SPOP: variants seen among roughly 807,000 people sequenced by gnomAD.
The protein encoded by SPOP is speckle type BTB/POZ protein.
In SPOP, 11 loss-of-function variants were observed where a neutral mutation model predicts 45.6. The observed-to-expected ratio is 0.24, with a 90% CI of 0.15 to 0.40. The LOEUF is 0.40. Among genes scored for constraint, SPOP ranks in the 10% least tolerant of loss-of-function variants. The pLI, the probability that SPOP is intolerant of heterozygous loss-of-function variation, is 1.00. For missense variants in SPOP, 152 were observed against 465.6 expected, an observed-to-expected ratio of 0.33 and a Z score of 6.20; for synonymous variants, 166 against 166.3, an observed-to-expected ratio of 1.00 and a Z score of 0.01.
At chr17:49,655,757 G>A (rs990772344) in intron 1 of SPOP, among the ~76,000 whole-genome samples, 6 of 152,172 alleles carry the variant, frequency 3.9e-5, no homozygotes, top group African/African-American at 1.4e-4. Flanking sequence ...AATTTCTCTC[G>A]ATCTCACAGC....
intron 1 of SPOP, among the ~76,000 whole-genome samples, chr17:49,674,201 G>C (rs931151149): frequency 5.3e-5 from 8 of 152,106 alleles, no homozygotes; most frequent in African/African-American, 1.9e-4. Context: ...TTGGTATCAG[G>C]GTAAGGCTGG....
intron 1 of SPOP, among the ~76,000 whole-genome samples, chr17:49,673,290 G>A (rs1284237408): frequency 1.3e-5 from 2 of 152,112 alleles, no homozygotes; most frequent in South Asian, 4.1e-4. Context: ...TGGATCACGA[G>A]GTCAGGAGAT....
chr17:49,672,424 A>C (rs1244318611), intron 1 of SPOP, among the ~76,000 whole-genome samples: 2 of 152,242 alleles, frequency 1.3e-5, no homozygotes, highest in Non-Finnish European at 2.9e-5. Context: ...TTAAATGATC[A>C]AACAAACTCA....
intron 1 of SPOP, among the ~76,000 whole-genome samples, chr17:49,647,343 AG>A (rs1482533653): frequency 4.2e-5 from 6 of 143,980 alleles, no homozygotes; most frequent in Non-Finnish European, 7.6e-5. Flanking sequence ...AAAAAAAAAA[AG>A]TTCTTTTGTT....
Position 49,657,761 on chromosome 17 carries a change from C to T in SPOP, c.-67+20172G>A, listed in dbSNP as rs139206142. On this transcript the variant is annotated intron_variant, in intron 1 of 9. Coordinates refer to ENST00000504102, the MANE Select transcript of SPOP (RefSeq NM_001007228.2). ...TGTCACCCAGGCTAGAGTGCAGTGG[C>T]GTGATCGCGGCTCACTGCAACTTCC... Among the ~76,000 whole-genome samples the T allele has an allele frequency of 8.3e-3, 1,093 of 131,552 alleles. 9 individuals carry two copies. The highest frequency in any genetic ancestry group is 0.029 in the African/African-American group (998 of 35,004). The allele number at this position is 131,552 out of a possible 152,430, so 86.3% of individuals were successfully genotyped here.
intron 1 of SPOP, among the ~76,000 whole-genome samples, chr17:49,642,382 T>C (rs1326251271): frequency 6.6e-6 from 1 of 151,952 alleles, no homozygotes; most frequent in African/African-American, 2.4e-5. Flanking sequence ...AACCCATCTC[T>C]ACCAAAAAAT....
chr17:49,652,657 C>A (rs1045258198), intron 1 of SPOP, among the ~76,000 whole-genome samples: 2 of 152,294 alleles, frequency 1.3e-5, no homozygotes, highest in African/African-American at 4.8e-5. Flanking sequence ...CAAAACTATA[C>A]CCTGACCCTT....
At chr17:49,622,485 G>T in intron 2 of SPOP, 1 of 552,496 alleles carries the variant, frequency 1.8e-6, no homozygotes, top group Non-Finnish European at 3.2e-6. Context: ...TTCATCAAGG[G>T]CAATGTAAGC....
chr17:49,610,473 C>T (rs2071948187), intron 6 of SPOP, among the ~76,000 whole-genome samples: 1 of 152,216 alleles, frequency 6.6e-6, no homozygotes, highest in Non-Finnish European at 1.5e-5. Flanking sequence ...CCCGCCTCAG[C>T]CTCCCAAAGT....
chr17:49,613,344 T>C (rs2072016526), intron 5 of SPOP, among the ~76,000 whole-genome samples: 1 of 151,602 alleles, frequency 6.6e-6, no homozygotes. Flanking sequence ...AGGAATCTCC[T>C]GGGATGGCCA....
intron 1 of SPOP, among the ~76,000 whole-genome samples, chr17:49,654,839 CTGTTAG>C (rs1240662764): frequency 6.6e-6 from 1 of 152,134 alleles, no homozygotes; most frequent in African/African-American, 2.4e-5. Context: ...ATTTTGTCAA[CTGTTAG>C]TGAGTTTTGC....
chr17:49,610,087 A>G (rs998991547), intron 6 of SPOP, among the ~76,000 whole-genome samples: 1 of 152,114 alleles, frequency 6.6e-6, no homozygotes, highest in Admixed American at 6.5e-5. Flanking sequence ...GGAGTTAAAG[A>G]GTGGTTAAGG....
intron 1 of SPOP, among the ~76,000 whole-genome samples, chr17:49,630,262 CT>C (rs1334054513): frequency 6.6e-6 from 1 of 152,102 alleles, no homozygotes; most frequent in Non-Finnish European, 1.5e-5. Flanking sequence ...CAAAAGGAGC[CT>C]TTTGTTTTTT....
intron 1 of SPOP, among the ~76,000 whole-genome samples, chr17:49,666,556 A>G (rs1018371921): frequency 2.0e-5 from 3 of 152,050 alleles, no homozygotes; most frequent in Non-Finnish European, 4.4e-5. Context: ...GGCCGGGCAC[A>G]GTGGCTCATG....
chr17:49,657,895 G>A (rs2072936505), intron 1 of SPOP, among the ~76,000 whole-genome samples: 1 of 151,366 alleles, frequency 6.6e-6, no homozygotes, highest in African/African-American at 2.4e-5. Context: ...TAGAGACAGG[G>A]TGTTACCATG....
At chr17:49,605,595 CAGG>C (rs540503722) in intron 8 of SPOP, among the ~76,000 whole-genome samples, 12 of 152,240 alleles carry the variant, frequency 7.9e-5, no homozygotes, top group Middle Eastern at 3.4e-3. Context: ...GAGGCTGAGG[CAGG>C]AGAACTGCTT....
chr17:49,600,657 G>T lies in SPOP; in HGVS notation c.981-135C>A. Reference sequence around the variant, plus strand: ...CAAGAAACAGAAGAACCCTTAATATGCATAAGAATTTGCTTGTTAGACAAT... The same window carrying T: ...CAAGAAACAGAAGAACCCTTAATATTCATAAGAATTTGCTTGTTAGACAAT... On this transcript the variant is annotated intron_variant, in intron 9 of 9. Coordinates refer to ENST00000504102, the MANE Select transcript of SPOP (RefSeq NM_001007228.2). This position sits in a 1 kb window ranked among gnomAD's most constrained non-coding sequence, Gnocchi z 4.2. 2 of 928,584 alleles carry T rather than the reference G, an allele frequency of 2.2e-6. No homozygotes were observed. The highest frequency in any genetic ancestry group is 3.2e-6 in the Non-Finnish European group (2 of 623,052). 57.5% of individuals were successfully genotyped at this position (928,584 alleles called of 1,614,324 possible).
intron 1 of SPOP, among the ~76,000 whole-genome samples, chr17:49,638,175 A>G (rs1336521216): frequency 6.6e-6 from 1 of 152,244 alleles, no homozygotes; most frequent in Non-Finnish European, 1.5e-5. Flanking sequence ...CAAAACAGAA[A>G]CTGGGATAAG....
chr17:49,601,795 T>C, intron 9 of SPOP, 70 bp downstream of exon 9: 1 of 1,590,080 alleles, frequency 6.3e-7, no homozygotes, highest in East Asian at 2.2e-5. Flanking sequence ...TACCCACTAA[T>C]TCAAAGCCTT....
Sources: allele counts gnomAD v4.1 joint callset (sites outside exome capture counted in the v4.1 genomes callset), GRCh38; gene constraint gnomAD v4.1.1; non-coding constraint Gnocchi (gnomAD v3.1); transcripts MANE v1.5; gene names NCBI Gene and HGNC (gene_info 2026-07-23, HGNC 2026-07-21).